Variants in CACNA1G observed in about 807,000 individuals in gnomAD.
CACNA1G encodes the protein voltage-dependent T-type calcium channel subunit alpha-1G.
Under a neutral mutation model 219.4 loss-of-function variants are expected in CACNA1G, and 67 were observed. The ratio of observed to expected loss-of-function variants is 0.31; its 90% CI spans 0.25 to 0.37. CACNA1G has a LOEUF of 0.37. Among genes scored for constraint, CACNA1G ranks in the 10% least tolerant of loss-of-function variants. The pLI is 1.00. For synonymous variants in CACNA1G, 1,296 were observed against 1,345.3 expected, an observed-to-expected ratio of 0.96 and a Z score of 0.80; for missense variants, 2,380 against 3,231.4, an observed-to-expected ratio of 0.74 and a Z score of 6.39.
chr17:50,610,306 T>C (rs922805272), intron 26 of CACNA1G, among the ~76,000 whole-genome samples: 1 of 152,204 alleles, frequency 6.6e-6, no homozygotes, highest in African/African-American at 2.4e-5. Flanking sequence ...GAGACTTTGA[T>C]CCAAGGGAGC....
intron 7 of CACNA1G, among the ~76,000 whole-genome samples, chr17:50,575,113 C>T (rs2040360555): frequency 6.6e-6 from 1 of 152,110 alleles, no homozygotes; most frequent in Non-Finnish European, 1.5e-5. Context: ...ATTTGAAAAC[C>T]CCATGTCCCT....
intron 13 of CACNA1G, 102 bp downstream of exon 13, chr17:50,592,194 T>C: frequency 7.8e-7 from 1 of 1,286,068 alleles, no homozygotes; most frequent in Non-Finnish European, 1.1e-6. Flanking sequence ...TTTGGGGGCC[T>C]GGGAAGTCCC....
intron 19 of CACNA1G, among the ~76,000 whole-genome samples, chr17:50,601,705 G>T (rs1390276358): frequency 1.3e-5 from 2 of 152,198 alleles, no homozygotes; most frequent in Non-Finnish European, 2.9e-5. Context: ...TACCGCCCCA[G>T]GGTCGAACCC....
In CACNA1G at chr17:50,576,126, C is replaced by G. The variant is rs764951130; in HGVS notation, c.1724C>G (p.Ser575Cys). The change falls in exon 8 of 38, where the codon TCC (serine) becomes TGC (cysteine). Residue 575 changes from serine (S) to cysteine (C), a missense_variant. Ser to Cys is a moderately radical substitution (Grantham distance 112). Transcript: ENST00000359106. ...PVRCQAPPPR[S>C]PSEASGRTVG... is the part of the protein sequence containing the mutation. ...CGCTGCCAGGCGCCCCCTCCCAGGT[C>G]CCCATCTGAGGCATCCGGCAGGACT... is the stretch of plus-strand genomic sequence containing the variant. 1 of 1,604,132 alleles carries G rather than the reference C, an allele frequency of 6.2e-7. No individual in the cohort carries two copies. Among genetic ancestry groups the G allele is most frequent in the Non-Finnish European group, 8.5e-7 (1 of 1,176,188 alleles).
At chr17:50,599,326 A>T in intron 16 of CACNA1G, 102 bp from the exon 17 acceptor site, 1 of 1,065,836 alleles carries the variant, frequency 9.4e-7, no homozygotes, top group Non-Finnish European at 1.3e-6. Flanking sequence ...ACATCCCTAC[A>T]CTTGATGTGA....
chr17:50,601,940 CT>C (rs1399592917), intron 19 of CACNA1G, among the ~76,000 whole-genome samples: 1 of 152,148 alleles, frequency 6.6e-6, no homozygotes, highest in Non-Finnish European at 1.5e-5. Context: ...GCTGGGGCTT[CT>C]GTTTTCTATT....
intron 28 of CACNA1G, among the ~76,000 whole-genome samples, chr17:50,616,679 T>G (rs1413544926): frequency 1.3e-5 from 2 of 152,196 alleles, no homozygotes; most frequent in African/African-American, 4.8e-5. Context: ...CCAGACTGCC[T>G]GAACTGGATT....
chr17:50,566,963 C>T (rs1302839247), intron 1 of CACNA1G, among the ~76,000 whole-genome samples: 1 of 152,242 alleles, frequency 6.6e-6, no homozygotes, highest in East Asian at 1.9e-4. Context: ...GAGACATTCA[C>T]TCACTGGGGC....
chr17:50,598,567 C>T (rs139308886), intron 16 of CACNA1G, among the ~76,000 whole-genome samples: 52 of 152,360 alleles, frequency 3.4e-4, no homozygotes, highest in African/African-American at 1.2e-3. Flanking sequence ...TACATTTCCA[C>T]CAACAGGACA....
chr17:50,619,858 C>T (rs1431191150), intron 34 of CACNA1G, 32 bp downstream of exon 34: 4 of 1,576,500 alleles, frequency 2.5e-6, no homozygotes, highest in Non-Finnish European at 3.4e-6. Context: ...GCCCTCTCCC[C>T]TGACCGTGCT....
chr17:50,570,675 A>G (rs1253013872), intron 4 of CACNA1G, among the ~76,000 whole-genome samples: 1 of 151,642 alleles, frequency 6.6e-6, no homozygotes, highest in African/African-American at 2.4e-5. Context: ...GAGCTCCAGA[A>G]GAGGGGCATG....
Position 50,618,808 on chromosome 17 carries a change from G to T in CACNA1G, c.5581G>T (p.Ala1861Ser). The T allele has an allele frequency of 6.2e-7, 1 of 1,613,932 alleles. No individual in the cohort carries two copies. The highest frequency in any genetic ancestry group is 1.3e-5 in the African/African-American group (1 of 75,056). The change falls in exon 33 of 38, where the codon GCC becomes TCC. Residue 1861 changes from alanine (A) to serine (S), a missense_variant. By Grantham distance (99) the Ala-to-Ser change is moderately conservative (BLOSUM62 1). Transcript: ENST00000359106. The surrounding 1 kb of genome is among the most constrained non-coding windows in gnomAD (Gnocchi z 5.3). ...MKHLEESNKEAKEEAELEAEL... is the reference protein window; with the variant it reads ...MKHLEESNKESKEEAELEAEL... ...GCACCTGGAGGAGAGCAACAAGGAG[G>T]CCAAGGAGGAGGCCGAGCTAGAGGC...
chr17:50,626,671 A>G lies in CACNA1G; in HGVS notation c.7054A>G (p.Met2352Val), dbSNP rs770346928. Residue 2352 changes from methionine to valine, a missense_variant, in exon 38 of 38, where the codon ATG (methionine) becomes GTG (valine). Met to Val is a conservative substitution (Grantham distance 21). Around this residue, in one of 17 missense-constraint regions of CACNA1G, gnomAD observed 672 missense variants for 670.5 expected, o/e 1.00. Transcript: ENST00000359106. This position sits in a 1 kb window ranked among gnomAD's most constrained non-coding sequence, Gnocchi z 4.3. ...DPLASGPPDS[M>V]AASPSPKKDV... is the part of the protein sequence containing the mutation. ...CTTGGCCTCTGGCCCCCCTGACAGC[A>G]TGGCTGCCTCGCCCTCCCCAAAGAA... is the stretch of plus-strand genomic sequence containing the variant. 31 of 1,612,626 alleles carry G rather than the reference A, an allele frequency of 1.9e-5. No individual in the cohort carries two copies. In the East Asian group the frequency reaches 6.9e-4, roughly 36 times the overall value.
chr17:50,581,418 G>T (rs1222830436), intron 9 of CACNA1G, among the ~76,000 whole-genome samples: 2 of 152,058 alleles, frequency 1.3e-5, no homozygotes, highest in African/African-American at 4.8e-5. Context: ...ACTGGAAAGG[G>T]TGTTGCTGGT....
intron 13 of CACNA1G, among the ~76,000 whole-genome samples, chr17:50,593,954 G>T (rs111417581): frequency 6.6e-6 from 1 of 152,254 alleles, no homozygotes; most frequent in Non-Finnish European, 1.5e-5. Flanking sequence ...CCTGGGTAAG[G>T]TTTCAGGGGG....
chr17:50,624,667 C>A, intron 37 of CACNA1G, 138 bp downstream of exon 37: 2 of 890,490 alleles, frequency 2.2e-6, no homozygotes, highest in South Asian at 1.7e-5. Context: ...TTGCAGATAC[C>A]AGGGACACAG....
intron 3 of CACNA1G, among the ~76,000 whole-genome samples, 159 bp downstream of exon 3, chr17:50,569,457 T>C (rs1373402340): frequency 1.3e-5 from 2 of 152,060 alleles, no homozygotes; most frequent in East Asian, 1.9e-4. Flanking sequence ...CCTCTAGCAC[T>C]GTAGCCTATA....
Position 50,596,419 on chromosome 17 carries a change from C to T in CACNA1G, c.2980-143C>T. Reference sequence around the variant, plus strand: ...GGGCCCCAAGCCTGGGGGGTCTGGCCTGCGCCGTGCATGTCTCGTGCCGTG... The same window carrying T: ...GGGCCCCAAGCCTGGGGGGTCTGGCTTGCGCCGTGCATGTCTCGTGCCGTG... On this transcript the variant is annotated intron_variant, in intron 14 of 37. Transcript: ENST00000359106. This position sits in a 1 kb window ranked among gnomAD's most constrained non-coding sequence, Gnocchi z 4.8. 1 of 696,236 alleles carries T rather than the reference C, an allele frequency of 1.4e-6. No individual in the cohort carries two copies. The allele number at this position is 696,236 out of a possible 1,614,324, so 43.1% of individuals were successfully genotyped here. A position where few individuals can be genotyped will look rare whatever the true frequency, so the allele number is the denominator to read the frequency against.
At chr17:50,588,004 A>T (rs1055295736) in intron 9 of CACNA1G, among the ~76,000 whole-genome samples, 1 of 152,186 alleles carries the variant, frequency 6.6e-6, no homozygotes, top group African/African-American at 2.4e-5. Context: ...TCACTGATTG[A>T]GTAAATACAT....
Sources: gnomAD v4.1 joint callset for allele counts (sites outside exome capture counted in the v4.1 genomes callset) on GRCh38, gnomAD v4.1.1 for gene constraint, gnomAD v4.1.1 regional missense constraint, Gnocchi (gnomAD v3.1) non-coding constraint, MANE v1.5 for transcripts, NCBI Gene and HGNC (gene_info 2026-07-23, HGNC 2026-07-21) for gene names.